Variants in ROBO2 observed in about 807,000 individuals in gnomAD.
The protein encoded by ROBO2 is roundabout homolog 2.
In ROBO2, 53 loss-of-function variants were observed where a neutral mutation model predicts 160.8. That is an observed-to-expected ratio of 0.33 (90% CI 0.26 to 0.41). The LOEUF (loss-of-function observed/expected upper bound fraction) is 0.41, where lower values mean the gene tolerates loss of function less well. Among genes scored for constraint, ROBO2 ranks in the 10% least tolerant of loss-of-function variants. The pLI, the probability that ROBO2 is intolerant of heterozygous loss-of-function variation, is 1.00. For missense variants in ROBO2, 1,577 were observed against 1,722.4 expected (o/e 0.92, Z 1.49); for synonymous variants, 664 against 611.7 (o/e 1.09, Z -1.26).
chr3:77,632,443 C>A, intron 23 of ROBO2: 1 of 1,488,076 alleles, frequency 6.7e-7, no homozygotes, highest in Non-Finnish European at 9.0e-7. Flanking sequence ...TCAATATATA[C>A]AACTCACTAG....
chr3:76,109,059 T>G (rs1003772700), intron 2 of ROBO2, among the ~76,000 whole-genome samples: 1 of 151,976 alleles, frequency 6.6e-6, no homozygotes, highest in African/African-American at 2.4e-5. Flanking sequence ...TCTAAAATCA[T>G]TAATAATGCT....
intron 2 of ROBO2, among the ~76,000 whole-genome samples, chr3:77,369,306 C>T (rs1460462139): frequency 6.6e-6 from 1 of 152,172 alleles, no homozygotes; most frequent in Non-Finnish European, 1.5e-5. Flanking sequence ...ATGCATCTGT[C>T]CCCTGAATTT....
At chr3:77,628,751 ATTTC>A (rs2095091970) in intron 23 of ROBO2, among the ~76,000 whole-genome samples, 2 of 152,118 alleles carry the variant, frequency 1.3e-5, no homozygotes, top group South Asian at 2.1e-4. Flanking sequence ...GAGAGAGAAA[ATTTC>A]TTTCTATGTT....
At chr3:76,742,214 A>G (rs1293726278) in intron 2 of ROBO2, among the ~76,000 whole-genome samples, 1 of 152,142 alleles carries the variant, frequency 6.6e-6, no homozygotes, top group Non-Finnish European at 1.5e-5. Context: ...TACATATTTT[A>G]CCTAAAGAAG....
At chr3:77,227,470 T>G (rs1439328863) in intron 2 of ROBO2, among the ~76,000 whole-genome samples, 12 of 152,222 alleles carry the variant, frequency 7.9e-5, no homozygotes, top group Admixed American at 7.9e-4. Flanking sequence ...GCATTTTGAC[T>G]CCTAAAATAG....
intron 2 of ROBO2, among the ~76,000 whole-genome samples, chr3:76,671,739 A>G (rs866771549): frequency 3.9e-5 from 6 of 152,080 alleles, no homozygotes; most frequent in Admixed American, 2.0e-4. Flanking sequence ...ATTTAAAATA[A>G]TCTATAATCA....
At chr3:76,539,769 A>C (rs1020074970) in intron 2 of ROBO2, among the ~76,000 whole-genome samples, 9 of 152,206 alleles carry the variant, frequency 5.9e-5, no homozygotes, top group Non-Finnish European at 1.0e-4. Flanking sequence ...TTAAAACTTA[A>C]CCCACAAAAA....
intron 2 of ROBO2, among the ~76,000 whole-genome samples, chr3:76,323,176 C>CACACACACACACACACA (rs1559763162): frequency 4.9e-5 from 7 of 143,876 alleles, no homozygotes; most frequent in East Asian, 2.0e-4. Flanking sequence ...CACACACACA[C>CACACACACACACACACA]CCCTAAAGGC....
At chr3:76,653,355 G>A (rs954282276) in intron 2 of ROBO2, among the ~76,000 whole-genome samples, 2 of 150,828 alleles carry the variant, frequency 1.3e-5, no homozygotes, top group South Asian at 4.2e-4. Context: ...ATTTTCTAAA[G>A]CATGCTCTGC....
At chr3:76,304,933 T>C (rs1430592360) in intron 2 of ROBO2, among the ~76,000 whole-genome samples, 1 of 151,836 alleles carries the variant, frequency 6.6e-6, no homozygotes, top group Non-Finnish European at 1.5e-5. Context: ...ACCATTTCTT[T>C]GGTCTGATGT....
At chr3:77,040,962 C>T in intron 1 of ROBO2, 116 bp downstream of exon 1, 4 of 1,384,842 alleles carry the variant, frequency 2.9e-6, no homozygotes, top group South Asian at 2.4e-5. Flanking sequence ...TCTGTTAGTC[C>T]GTTTTGGCCC....
chr3:76,432,729 T>C (rs2076491696), intron 2 of ROBO2, among the ~76,000 whole-genome samples: 2 of 152,154 alleles, frequency 1.3e-5, no homozygotes, highest in South Asian at 4.1e-4. Context: ...TGCTGTATTC[T>C]ACTGGTCAAA....
At chr3:77,101,862 A>G (rs1043785137) in intron 2 of ROBO2, among the ~76,000 whole-genome samples, 2 of 152,178 alleles carry the variant, frequency 1.3e-5, no homozygotes, top group African/African-American at 4.8e-5. Context: ...CAACATGGTG[A>G]AACCCCGACT....
upstream of ROBO2, among the ~76,000 whole-genome samples, chr3:77,037,873 C>T (rs1362737334): frequency 6.6e-6 from 1 of 151,976 alleles, no homozygotes; most frequent in Non-Finnish European, 1.5e-5. Flanking sequence ...GTGTTAATTC[C>T]TGCATTATTG....
intron 2 of ROBO2, among the ~76,000 whole-genome samples, chr3:76,439,424 A>T (rs976856961): frequency 4.0e-5 from 6 of 151,560 alleles, no homozygotes; most frequent in African/African-American, 1.5e-4. Flanking sequence ...GAAGGTTACA[A>T]AGAAGAAGCA....
intron 1 of ROBO2, among the ~76,000 whole-genome samples, chr3:77,091,139 G>GA (rs2070188998): frequency 6.6e-6 from 1 of 152,040 alleles, no homozygotes. Flanking sequence ...GTTTGTAAAA[G>GA]AAAAATAAAA....
chr3:76,070,181 C>G (rs970712889), intron 2 of ROBO2, among the ~76,000 whole-genome samples: 1 of 152,160 alleles, frequency 6.6e-6, no homozygotes, highest in Non-Finnish European at 1.5e-5. Flanking sequence ...CAGAGATAAC[C>G]TTAAACTCTG....
intron 2 of ROBO2, among the ~76,000 whole-genome samples, chr3:77,409,168 T>C (rs1004938646): frequency 3.6e-4 from 55 of 150,820 alleles, no homozygotes; most frequent in African/African-American, 1.3e-3. Context: ...AGTAAACCAG[T>C]AAAGATTGCA....
intron 2 of ROBO2, among the ~76,000 whole-genome samples, chr3:76,761,532 A>T (rs2061310088): frequency 6.6e-6 from 1 of 151,748 alleles, no homozygotes; most frequent in African/African-American, 2.4e-5. Flanking sequence ...TATTCCAGAT[A>T]AGTGTAAAAT....
Sources: allele counts gnomAD v4.1 joint callset (sites outside exome capture counted in the v4.1 genomes callset), GRCh38; gene constraint gnomAD v4.1.1; transcripts MANE v1.5; gene names NCBI Gene and HGNC (gene_info 2026-07-23, HGNC 2026-07-21).